Variants in RLF observed in about 807,000 individuals in gnomAD.
RLF encodes the protein RLF zinc finger, also known as zinc finger protein Rlf.
Under a neutral mutation model 162.9 loss-of-function variants are expected in RLF, and 7 were observed. The ratio of observed to expected loss-of-function variants is 0.04; its 90% CI spans 0.02 to 0.08. The LOEUF (loss-of-function observed/expected upper bound fraction) is 0.08. Ranked by LOEUF, RLF falls within the 10% of genes least tolerant of loss-of-function variation. The probability of loss-of-function intolerance (pLI) is 1.00; values close to 1 mark genes in which losing one functional copy is unlikely to be tolerated. For missense variants in RLF, 1,664 were observed against 2,244.7 expected (o/e 0.74, Z 5.23); for synonymous variants, 782 against 791.5 (o/e 0.99, Z 0.20).
Position 40,236,937 on chromosome 1 carries a change from A to C in RLF, c.2235A>C (p.Val745=). 4 of 1,614,180 alleles carry C rather than the reference A, an allele frequency of 2.5e-6. No individual in the cohort carries two copies. The highest frequency in any genetic ancestry group is 3.4e-6 in the Non-Finnish European group (4 of 1,180,016). ...GTGGGCCTCAGCCTTATATGTGTGT[A>C]TCTATAGATTGCTATGCTAGGTTTG... ...VHCGPQPYMC[V]SIDCYARFGS... is the part of the protein sequence containing the mutation. The change falls in exon 8 of 8, where the codon GTA becomes GTC. Residue 745 remains valine, a synonymous_variant. Transcript: ENST00000372771. The surrounding 1 kb of genome is among the most constrained non-coding windows in gnomAD (Gnocchi z 7.7).
chr1:40,185,296 A>G (rs1642459330), intron 1 of RLF, among the ~76,000 whole-genome samples: 1 of 151,016 alleles, frequency 6.6e-6, no homozygotes, highest in Non-Finnish European at 1.5e-5. Flanking sequence ...ACGCCCGGCT[A>G]CTTTCTGTAT....
chr1:40,231,421 G>C (rs568391702), intron 6 of RLF, 96 bp from the exon 7 acceptor site: 1 of 1,038,590 alleles, frequency 9.6e-7, no homozygotes, highest in Non-Finnish European at 1.4e-6. Context: ...TTTCTCTACT[G>C]TCAGCTTTCT....
intron 1 of RLF, among the ~76,000 whole-genome samples, chr1:40,176,002 A>G (rs907788812): frequency 6.6e-6 from 1 of 152,170 alleles, no homozygotes; most frequent in Non-Finnish European, 1.5e-5. Context: ...AGAATTTTAT[A>G]TAAATACTAT....
intron 5 of RLF, among the ~76,000 whole-genome samples, chr1:40,210,175 GTT>G: frequency 6.6e-6 from 1 of 152,270 alleles, no homozygotes; most frequent in East Asian, 1.9e-4. Context: ...AACCCGTTTT[GTT>G]TCTAATGTTG....
At chr1:40,233,814 A>G (rs1227477986) in intron 7 of RLF, among the ~76,000 whole-genome samples, 1 of 151,660 alleles carries the variant, frequency 6.6e-6, no homozygotes, top group African/African-American at 2.4e-5. Flanking sequence ...ACTCTGTTCT[A>G]CTCTTTCCCC....
chr1:40,221,742 T>C (rs1255088902), intron 5 of RLF, among the ~76,000 whole-genome samples: 1 of 151,224 alleles, frequency 6.6e-6, no homozygotes, highest in Non-Finnish European at 1.5e-5. Flanking sequence ...CTACTAAAAA[T>C]ATAAAAAATT....
Position 40,240,588 on chromosome 1 carries a change from A to T in RLF, c.*141A>T. On this transcript the variant is annotated 3_prime_UTR_variant, in exon 8 of 8. Coordinates refer to ENST00000372771, the MANE Select transcript of RLF (RefSeq NM_012421.4). ...GTATTTACATGAATGTATAATATCT[A>T]TGTCAGCAGTATTGGCTGAGTCCAT... 1.6e-6 allele frequency: 1 copy of T among 632,886 alleles called. No individual in the cohort carries two copies. Among genetic ancestry groups the T allele is most frequent in the Non-Finnish European group, 2.8e-6 (1 of 358,916 alleles). The allele number at this position is 632,886 out of a possible 1,614,324, so 39.2% of individuals were successfully genotyped here. A position where few individuals can be genotyped will look rare whatever the true frequency, so the allele number is the denominator to read the frequency against.
intron 1 of RLF, among the ~76,000 whole-genome samples, chr1:40,174,891 A>T (rs905261048): frequency 6.6e-6 from 1 of 152,154 alleles, no homozygotes; most frequent in Non-Finnish European, 1.5e-5. Flanking sequence ...TTTAAAGGAC[A>T]TTGTCAATGA....
chr1:40,168,321 C>T (rs1232898633), intron 1 of RLF, among the ~76,000 whole-genome samples: 2 of 152,208 alleles, frequency 1.3e-5, no homozygotes, highest in South Asian at 2.1e-4. Context: ...AGATAGCCCA[C>T]TGCAACTTCC....
At chr1:40,224,690 C>A (rs1358155849) in intron 6 of RLF, among the ~76,000 whole-genome samples, 1 of 106,148 alleles carries the variant, frequency 9.4e-6, no homozygotes, top group Admixed American at 1.5e-4. Flanking sequence ...ATTAGAATAA[C>A]ATAAAACATT....
chr1:40,232,736 G>A (rs1643168284), intron 7 of RLF, among the ~76,000 whole-genome samples: 2 of 152,214 alleles, frequency 1.3e-5, no homozygotes, highest in Non-Finnish European at 2.9e-5. Flanking sequence ...GACAGGTCTC[G>A]CTCTGTCACC....
At chr1:40,176,192 T>C (rs1642323067) in intron 1 of RLF, among the ~76,000 whole-genome samples, 3 of 152,236 alleles carry the variant, frequency 2.0e-5, no homozygotes, top group Admixed American at 2.0e-4. Flanking sequence ...CAAATCAAGC[T>C]GTTAGGAACA....
chr1:40,179,360 AATCTCCAGATTTAAGAAGT>A (rs1467605695), intron 1 of RLF, among the ~76,000 whole-genome samples: 3 of 152,182 alleles, frequency 2.0e-5, no homozygotes, highest in Non-Finnish European at 4.4e-5. Context: ...TGAACTTTAC[AATCTCCAGATTTAAGAAGT>A]ATTGTAAGTC....
chr1:40,166,739 C>T (rs1482754529), intron 1 of RLF, among the ~76,000 whole-genome samples: 1 of 151,590 alleles, frequency 6.6e-6, no homozygotes, highest in African/African-American at 2.4e-5. Context: ...TCATTCTGAG[C>T]AAACTATTGC....
chr1:40,218,277 GGTCTTCC>G (rs989020113), intron 5 of RLF, among the ~76,000 whole-genome samples: 2 of 152,124 alleles, frequency 1.3e-5, no homozygotes, highest in African/African-American at 2.4e-5. Flanking sequence ...GCCTTTCAAA[GGTCTTCC>G]GTCTTCTGAG....
At chr1:40,187,357 G>A (rs1014194396) in intron 1 of RLF, among the ~76,000 whole-genome samples, 2 of 152,190 alleles carry the variant, frequency 1.3e-5, no homozygotes, top group African/African-American at 2.4e-5. Context: ...TGAAATCTTA[G>A]TTATGTAACA....
Position 40,236,009 on chromosome 1 carries a change from C to T in RLF, c.1307C>T (p.Pro436Leu), listed in dbSNP as rs1388082671. Residue 436 changes from proline (P) to leucine (L), a missense_variant, in exon 8 of 8, where the codon CCA (proline) becomes CTA (leucine). Physicochemically the swap from Pro to Leu is moderately conservative, Grantham distance 98. Coordinates refer to ENST00000372771, the MANE Select transcript of RLF (RefSeq NM_012421.4). This position sits in a 1 kb window ranked among gnomAD's most constrained non-coding sequence, Gnocchi z 7.7. Reference protein sequence around the residue: ...FNMLEELYLQPDQKFDEENAP... With the variant: ...FNMLEELYLQLDQKFDEENAP... ...ATGTTAGAAGAACTATATTTGCAAC[C>T]AGATCAAAAATTTGATGAAGAAAAT... 6.2e-7 allele frequency: 1 copy of T among 1,612,986 alleles called. No homozygotes were observed. Among genetic ancestry groups the T allele is most frequent in the Admixed American group, 1.7e-5 (1 of 59,764 alleles).
intron 7 of RLF, among the ~76,000 whole-genome samples, chr1:40,233,094 C>CAAA (rs778637305): frequency 3.9e-5 from 3 of 77,410 alleles, no homozygotes; most frequent in African/African-American, 7.8e-5. Context: ...GACTCTGTCT[C>CAAA]AAAAAAAAAA....
At chr1:40,181,874 TTATTA>T (rs1642408713) in intron 1 of RLF, among the ~76,000 whole-genome samples, 1 of 152,140 alleles carries the variant, frequency 6.6e-6, no homozygotes, top group Non-Finnish European at 1.5e-5. Context: ...TTATAGGACA[TTATTA>T]TAAGAAAATT....
Sources: allele counts gnomAD v4.1 joint callset (sites outside exome capture counted in the v4.1 genomes callset), GRCh38; gene constraint gnomAD v4.1.1; non-coding constraint Gnocchi (gnomAD v3.1); transcripts MANE v1.5; gene names NCBI Gene and HGNC (gene_info 2026-07-23, HGNC 2026-07-21).